Variants in SNTB2 observed in about 807,000 individuals in gnomAD.
SNTB2 encodes the protein beta-2-syntrophin.
SNTB2 carries 34 observed loss-of-function variants against 46.2 expected under a neutral mutation model. That is an observed-to-expected ratio of 0.74 (90% CI 0.56 to 0.98). The LOEUF (loss-of-function observed/expected upper bound fraction) is 0.98. Among genes scored for constraint, SNTB2 ranks in the 50% least tolerant of loss-of-function variants. The pLI is 0.00. For synonymous variants in SNTB2, 290 were observed against 312.6 expected, an observed-to-expected ratio of 0.93 and a Z score of 0.76; for missense variants, 603 against 731.4, an observed-to-expected ratio of 0.82 and a Z score of 2.02.
chr16:69,245,233 C>G (rs1006354096), intron 1 of SNTB2, among the ~76,000 whole-genome samples: 2 of 152,132 alleles, frequency 1.3e-5, no homozygotes, highest in African/African-American at 2.4e-5. Flanking sequence ...GAGTCTTGCT[C>G]TGTCGCCCAG....
chr16:69,261,880 A>G lies in SNTB2; in HGVS notation c.1005+1620A>G, dbSNP rs116924673. On this transcript the variant is annotated intron_variant, in intron 3 of 6. Transcript: ENST00000336278. ...AAGGTAACAACTCTTATTCCTTTCT[A>G]TTGAATCTTTTGAGAGTTTCTTTAT... is the stretch of plus-strand genomic sequence containing the variant. 9.0e-3 allele frequency among the ~76,000 whole-genome samples: 1,366 copies of G among 152,262 alleles called. 10 individuals are homozygous for G. The highest frequency in any genetic ancestry group is 0.014 in the South Asian group (68 of 4,826).
intron 5 of SNTB2, 72 bp downstream of exon 5, chr16:69,284,316 A>G (rs575913850): frequency 7.6e-7 from 1 of 1,322,540 alleles, no homozygotes; most frequent in African/African-American, 1.5e-5. Context: ...CTGCATAATG[A>G]CATTTCAGTC....
At chr16:69,287,494 C>T (rs1369887320) in intron 5 of SNTB2, among the ~76,000 whole-genome samples, 1 of 151,966 alleles carries the variant, frequency 6.6e-6, no homozygotes, top group African/African-American at 2.4e-5. Flanking sequence ...TGCTTGAACC[C>T]GGGAGGTGGA....
chr16:69,244,234 T>G (rs1597184906), intron 1 of SNTB2, among the ~76,000 whole-genome samples: 1 of 152,312 alleles, frequency 6.6e-6, no homozygotes, highest in African/African-American at 2.4e-5. Flanking sequence ...TATCAACTAT[T>G]AGGCCTATAA....
chr16:69,284,307 TGC>T lies in SNTB2; in HGVS notation c.1345+64_1345+65del, dbSNP rs1297022432. ...ATAGAACTGTTATATAGTCATGTGC[TGC>T]ATAATGACATTTCAGTCAGTGATGG... On this transcript the variant is annotated intron_variant, in intron 5 of 6. Transcript: ENST00000336278. 4 of 1,384,868 alleles carry T rather than the reference TGC, an allele frequency of 2.9e-6. No individual in the cohort carries two copies. In the East Asian group the frequency reaches 9.5e-5, roughly 33 times the overall value. 85.8% of individuals were successfully genotyped at this position (1,384,868 alleles called of 1,614,324 possible). A position where few individuals can be genotyped will look rare whatever the true frequency, so the allele number is the denominator to read the frequency against.
At chr16:69,295,307 G>C (rs966027635) in intron 5 of SNTB2, among the ~76,000 whole-genome samples, 1 of 122,124 alleles carries the variant, frequency 8.2e-6, no homozygotes, top group Admixed American at 1.1e-4. Flanking sequence ...ACAGTGGCCC[G>C]ATCTTGATCT....
intron 1 of SNTB2, among the ~76,000 whole-genome samples, chr16:69,231,859 C>T (rs1267071365): frequency 1.3e-5 from 2 of 152,046 alleles, no homozygotes; most frequent in East Asian, 3.9e-4. Context: ...AATTGAGAAG[C>T]TTGCATATTC....
In SNTB2 at chr16:69,301,060, C is replaced by A; in HGVS notation, c.*136C>A. ...AAGGACCTGCAAATAACTGCTGAACCATAACCGTGTTTAAAGAAGAGCCTA... is the reference window on the plus strand; with the variant it reads ...AAGGACCTGCAAATAACTGCTGAACAATAACCGTGTTTAAAGAAGAGCCTA... On this transcript the variant is annotated 3_prime_UTR_variant, in exon 7 of 7. Transcript: ENST00000336278. The A allele has an allele frequency of 1.6e-6, 1 of 607,066 alleles. No homozygotes were observed. Among genetic ancestry groups the A allele is most frequent in the South Asian group, 2.0e-5 (1 of 49,482 alleles). The allele number at this position is 607,066 out of a possible 1,614,324, so 37.6% of individuals were successfully genotyped here.
chr16:69,225,370 A>G (rs147151819), intron 1 of SNTB2, among the ~76,000 whole-genome samples: 2 of 152,362 alleles, frequency 1.3e-5, no homozygotes, highest in Non-Finnish European at 2.9e-5. Context: ...CTAGTCCAGA[A>G]CATATCCACT....
chr16:69,200,932 T>C (rs1159801488), intron 1 of SNTB2, among the ~76,000 whole-genome samples: 5 of 152,252 alleles, frequency 3.3e-5, no homozygotes, highest in African/African-American at 1.2e-4. Context: ...TGTGGGGTAA[T>C]GGCAGAAGAC....
At chr16:69,203,588 C>CCTAA (rs942485836) in intron 1 of SNTB2, among the ~76,000 whole-genome samples, 3 of 152,084 alleles carry the variant, frequency 2.0e-5, no homozygotes. Context: ...GATCCTCCTA[C>CCTAA]CTAAGCCTCC....
intron 1 of SNTB2, among the ~76,000 whole-genome samples, chr16:69,205,198 G>A (rs1268169012): frequency 6.7e-6 from 1 of 149,384 alleles, no homozygotes; most frequent in Non-Finnish European, 1.5e-5. Flanking sequence ...CACCCAGGCT[G>A]GAGTGCAGTG....
chr16:69,268,636 G>A (rs1466983925), intron 3 of SNTB2, among the ~76,000 whole-genome samples: 1 of 151,996 alleles, frequency 6.6e-6, no homozygotes, highest in African/African-American at 2.4e-5. Context: ...AGACCGAGGC[G>A]GGTGGATTGC....
chr16:69,295,076 C>T (rs1965209699), intron 5 of SNTB2, among the ~76,000 whole-genome samples: 2 of 151,894 alleles, frequency 1.3e-5, no homozygotes, highest in African/African-American at 4.8e-5. Context: ...CTGCCTCGGC[C>T]TCCCAAAGTA....
chr16:69,288,146 T>G (rs1225303376), intron 5 of SNTB2, among the ~76,000 whole-genome samples: 1 of 152,224 alleles, frequency 6.6e-6, no homozygotes, highest in Non-Finnish European at 1.5e-5. Flanking sequence ...AACACATTCA[T>G]GCCGTTGCTA....
At chr16:69,230,699 C>T (rs1474383995) in intron 1 of SNTB2, among the ~76,000 whole-genome samples, 2 of 150,804 alleles carry the variant, frequency 1.3e-5, no homozygotes, top group Non-Finnish European at 3.0e-5. Flanking sequence ...AATATTTGAG[C>T]AGGAGACTAA....
chr16:69,264,558 T>C (rs935745199), intron 3 of SNTB2, among the ~76,000 whole-genome samples: 4 of 152,190 alleles, frequency 2.6e-5, no homozygotes, highest in African/African-American at 9.7e-5. Flanking sequence ...AGCATCACTA[T>C]TGACAACAGA....
At chr16:69,258,605 C>CTTTTTTTTTTTTTTT (rs67116274) in intron 2 of SNTB2, among the ~76,000 whole-genome samples, 3 of 83,506 alleles carry the variant, frequency 3.6e-5, no homozygotes, top group Non-Finnish European at 6.8e-5. Flanking sequence ...CTTGTTCTTT[C>CTTTTTTTTTTTTTTT]TTTTTTTTTT....
chr16:69,281,047 G>C (rs1214719358), intron 4 of SNTB2, among the ~76,000 whole-genome samples: 1 of 152,064 alleles, frequency 6.6e-6, no homozygotes, highest in Admixed American at 6.5e-5. Flanking sequence ...CGCCCGCCTC[G>C]GCCTCCCAAA....
Sources: allele counts gnomAD v4.1 joint callset (sites outside exome capture counted in the v4.1 genomes callset), GRCh38; gene constraint gnomAD v4.1.1; transcripts MANE v1.5; gene names NCBI Gene and HGNC (gene_info 2026-07-23, HGNC 2026-07-21).